Variants in SEPTIN4 observed in about 807,000 individuals in gnomAD.
SEPTIN4 encodes the protein septin-4.
In SEPTIN4, 52 loss-of-function variants were observed where a neutral mutation model predicts 107.1. The ratio of observed to expected loss-of-function variants is 0.49; its 90% CI spans 0.39 to 0.61. The LOEUF is 0.61. SEPTIN4 is among the 20% of genes least tolerant of loss of function. The pLI, the probability that SEPTIN4 is intolerant of heterozygous loss-of-function variation, is 0.00. For missense variants in SEPTIN4, 1,048 were observed against 1,243.5 expected (o/e 0.84, Z 2.36); for synonymous variants, 417 against 467.0 (o/e 0.89, Z 1.38).
chr17:58,541,869 C>T (rs936528995), intron 2 of SEPTIN4, 53 bp downstream of exon 2: 2 of 1,614,150 alleles, frequency 1.2e-6, no homozygotes, highest in Non-Finnish European at 1.7e-6. Flanking sequence ...CCTCACCTGT[C>T]CTCCCATCCC....
intron 3 of SEPTIN4, chr17:58,539,203 G>A (rs1362840721): frequency 4.6e-6 from 7 of 1,527,304 alleles, no homozygotes; most frequent in Non-Finnish European, 6.1e-6. Context: ...GAACAGGGCT[G>A]GAGAGCTGTA....
chr17:58,520,767 C>T lies in SEPTIN4; in HGVS notation c.2907G>A (p.Lys969=). The change falls in exon 13 of 14, where the codon AAG becomes AAA. Residue 969 remains lysine (K), a synonymous_variant. Transcript: ENST00000672673. ...CCTCCTCATCTTTCTCTCGGATAAG[C>T]TTCTCAGTTTCTGGATCTGTCCCTG... ...VPPGTDPETE[K]LIREKDEELR... is the part of the protein sequence containing the mutation. 1 of 1,614,200 alleles carries T rather than the reference C, an allele frequency of 6.2e-7. No homozygotes were observed. The highest frequency in any genetic ancestry group is 8.5e-7 in the Non-Finnish European group (1 of 1,180,028).
intron 3 of SEPTIN4, chr17:58,528,332 C>T (rs1450655827): frequency 1.3e-5 from 2 of 152,284 alleles, no homozygotes; most frequent in Non-Finnish European, 2.9e-5. Context: ...TACTGCCAGG[C>T]TGTTGCCTCT....
At chr17:58,526,610 ACACT>A in intron 4 of SEPTIN4, 68 bp downstream of exon 4, 2 of 1,506,416 alleles carry the variant, frequency 1.3e-6, no homozygotes, top group South Asian at 1.4e-5. Flanking sequence ...ACACACACAC[ACACT>A]CTGCTCCCTG....
rs1251180966 is a variant in SEPTIN4, at chr17:58,521,552, G to C, written c.2564C>G (p.Ala855Gly). The C allele has an allele frequency of 6.2e-7, 1 of 1,614,034 alleles. No individual in the cohort carries two copies. The highest frequency in any genetic ancestry group is 8.5e-7 in the Non-Finnish European group (1 of 1,180,006). The change falls in exon 10 of 14, where the codon GCC becomes GGC. Residue 855 changes from alanine (A) to glycine (G), a missense_variant. Physicochemically the swap from Ala to Gly is moderately conservative, Grantham distance 60. This residue lies in a region of SEPTIN4 where 261 missense variants were observed against 371.7 expected (regional missense o/e 0.70). Coordinates refer to ENST00000672673, the MANE Select transcript of SEPTIN4 (RefSeq NM_001368771.2). The surrounding 1 kb of genome is among the most constrained non-coding windows in gnomAD (Gnocchi z 6.4). ...EDEDFKLQDQ[A>G]LKESIPFAVI... ...GCCCTAGAGTGGCCCCACCTTTAGG[G>C]CTTGGTCCTGCAATTTGAAGTCCTC...
chr17:58,541,884 G>A, intron 2 of SEPTIN4, 38 bp downstream of exon 2: 4 of 1,614,006 alleles, frequency 2.5e-6, no homozygotes, highest in Non-Finnish European at 3.4e-6. Context: ...CATCCCCCAA[G>A]CTCCCACAGT....
chr17:58,521,313 A>G lies in SEPTIN4; in HGVS notation c.2609T>C (p.Val870Ala), dbSNP rs1379099171. 2.5e-6 allele frequency: 4 copies of G among 1,614,150 alleles called. No homozygotes were observed. The highest frequency in any genetic ancestry group is 1.7e-5 in the Admixed American group (1 of 60,026). ...IPFAVIGSNT[V>A]VEARGRRVRG... ...AACTCGCCGCCCTCTGGCCTCTACTACAGTGTTGCTGCCAATTACTGCAAA... is the reference window on the plus strand; with the variant it reads ...AACTCGCCGCCCTCTGGCCTCTACTGCAGTGTTGCTGCCAATTACTGCAAA... The change falls in exon 11 of 14, where the codon GTA becomes GCA. Residue 870 changes from valine (V) to alanine (A), a missense_variant. Physicochemically the swap from Val to Ala is moderately conservative, Grantham distance 64. This residue lies in a region of SEPTIN4 where 261 missense variants were observed against 371.7 expected (regional missense o/e 0.70). Transcript: ENST00000672673. The surrounding 1 kb of genome is among the most constrained non-coding windows in gnomAD (Gnocchi z 6.4).
At position 58,538,568 on chromosome 17, in the gene SEPTIN4, G is replaced by A. The variant is rs755731346; in HGVS notation, c.1614+2098C>T. 6.6e-6 allele frequency among the ~76,000 whole-genome samples: 1 copy of A among 152,090 alleles called. No homozygotes were observed. The highest frequency in any genetic ancestry group is 1.5e-5 in the Non-Finnish European group (1 of 68,022). On this transcript the variant is annotated intron_variant, in intron 3 of 13. Coordinates refer to ENST00000672673, the MANE Select transcript of SEPTIN4 (RefSeq NM_001368771.2). The surrounding 1 kb of genome is among the most constrained non-coding windows in gnomAD (Gnocchi z 4.7). ...GAAATCCCCAGGGCTATGTGAGAAG[G>A]CAGCCCCCAGTGACCCATTAGGGCA...
At chr17:58,530,333 T>C (rs2043347972) in intron 3 of SEPTIN4, 1 of 152,246 alleles carries the variant, frequency 6.6e-6, no homozygotes, top group Non-Finnish European at 1.5e-5. Context: ...AGGATGGTCA[T>C]TAATGTTGGC....
intron 6 of SEPTIN4, 47 bp from the exon 7 acceptor site, chr17:58,525,248 C>G: frequency 6.2e-7 from 1 of 1,605,658 alleles, no homozygotes; most frequent in Non-Finnish European, 8.5e-7. Flanking sequence ...GGGACCTGCC[C>G]AGTCAGGATG....
At position 58,521,903 on chromosome 17, in the gene SEPTIN4, G is replaced by A. The variant is rs902667809; in HGVS notation, c.2352-50C>T. On this transcript the variant is annotated intron_variant, in intron 8 of 13. Coordinates refer to ENST00000672673, the MANE Select transcript of SEPTIN4 (RefSeq NM_001368771.2). The surrounding 1 kb of genome is among the most constrained non-coding windows in gnomAD (Gnocchi z 6.4). ...CCTGCTAGTGGCAGCCCTGCCCCTGGTGCTCTTGGCCTGTTCCCTTGACAG... is the reference window on the plus strand; with the variant it reads ...CCTGCTAGTGGCAGCCCTGCCCCTGATGCTCTTGGCCTGTTCCCTTGACAG... 1 of 1,614,100 alleles carries A rather than the reference G, an allele frequency of 6.2e-7. No individual in the cohort carries two copies. The highest frequency in any genetic ancestry group is 1.3e-5 in the African/African-American group (1 of 74,936).
At chr17:58,535,141 G>T (rs906636636) in intron 3 of SEPTIN4, among the ~76,000 whole-genome samples, 2 of 152,222 alleles carry the variant, frequency 1.3e-5, no homozygotes, top group African/African-American at 2.4e-5. Context: ...CAAGGTCTGT[G>T]GTGGACAAAG....
chr17:58,525,923 G>C, intron 5 of SEPTIN4, 142 bp from the exon 6 acceptor site: 1 of 861,708 alleles, frequency 1.2e-6, no homozygotes, highest in Non-Finnish European at 1.8e-6. Flanking sequence ...TTTTAGAGCT[G>C]GGAGGAAGCA....
At chr17:58,522,758 T>G (rs1253683063) in intron 7 of SEPTIN4, among the ~76,000 whole-genome samples, 1 of 152,030 alleles carries the variant, frequency 6.6e-6, no homozygotes, top group East Asian at 1.9e-4. Context: ...AGGTTTCCAG[T>G]GTAACCTCAG....
In SEPTIN4 at chr17:58,531,998, C is replaced by G. The variant is rs1411858782; in HGVS notation, c.1615-5020G>C. The G allele has an allele frequency of 4.4e-6, 5 of 1,141,610 alleles. No homozygotes were observed. The African/African-American group carries it at 6.6e-5, about 15-fold the overall frequency. The allele number at this position is 1,141,610 out of a possible 1,614,324, so 70.7% of individuals were successfully genotyped here. A position where few individuals can be genotyped will look rare whatever the true frequency, so the allele number is the denominator to read the frequency against. On this transcript the variant is annotated intron_variant, in intron 3 of 13. Transcript: ENST00000672673. Reference sequence around the variant, plus strand: ...CCGGGCGGGGCCGGCTCCGCCTGGACAGCGCCCGAGCGACCCGCGGCGGAG... The same window carrying G: ...CCGGGCGGGGCCGGCTCCGCCTGGAGAGCGCCCGAGCGACCCGCGGCGGAG...
At chr17:58,530,205 T>A (rs1190045045) in intron 3 of SEPTIN4, 1 of 152,244 alleles carries the variant, frequency 6.6e-6, no homozygotes, top group Non-Finnish European at 1.5e-5. Flanking sequence ...GACCTTAATG[T>A]TCAGTTGTGA....
intron 7 of SEPTIN4, among the ~76,000 whole-genome samples, chr17:58,522,322 A>G (rs1027355285): frequency 6.6e-5 from 10 of 152,178 alleles, no homozygotes; most frequent in Non-Finnish European, 1.5e-5. Context: ...AGTTTAATAA[A>G]TACTAGCTTG....
At chr17:58,531,932 GCGCC>G (rs2043506564) in intron 3 of SEPTIN4, 4 of 1,142,140 alleles carry the variant, frequency 3.5e-6, no homozygotes, top group East Asian at 4.5e-5. Context: ...GCCCTGCCCC[GCGCC>G]CGCCCGCCTG....
In SEPTIN4 at chr17:58,543,320, T is replaced by C; in HGVS notation, c.867A>G (p.Ala289=). 4 of 1,614,212 alleles carry C rather than the reference T, an allele frequency of 2.5e-6. No homozygotes were observed. Among genetic ancestry groups the C allele is most frequent in the Non-Finnish European group, 3.4e-6 (4 of 1,180,032 alleles). The change falls in exon 1 of 14, where the codon GCA becomes GCG. Residue 289 remains alanine, a synonymous_variant. Transcript: ENST00000672673. ...KDSDGVHRVS[A]RVDPESLHKY... ...TATGAAGAGACTCAGGGTCTACCCG[T>C]GCAGAAACTCGGTGTACACCATCAG...
Sources: gnomAD v4.1 joint callset for allele counts (sites outside exome capture counted in the v4.1 genomes callset) on GRCh38, gnomAD v4.1.1 for gene constraint, gnomAD v4.1.1 regional missense constraint, Gnocchi (gnomAD v3.1) non-coding constraint, MANE v1.5 for transcripts, NCBI Gene and HGNC (gene_info 2026-07-23, HGNC 2026-07-21) for gene names.